FGFRL1: variants seen among roughly 807,000 people sequenced by gnomAD.
The protein encoded by FGFRL1 is fibroblast growth factor receptor like 1.
FGFRL1 carries 24 observed loss-of-function variants against 36.8 expected under a neutral mutation model. The observed-to-expected ratio is 0.65, with a 90% CI of 0.47 to 0.92. FGFRL1 has a LOEUF of 0.92. Ranked by LOEUF, FGFRL1 falls within the 40% of genes least tolerant of loss-of-function variation. The probability of loss-of-function intolerance (pLI) is 0.00; values close to 1 mark genes in which losing one functional copy is unlikely to be tolerated. For missense variants in FGFRL1, 785 were observed against 753.4 expected, an observed-to-expected ratio of 1.04 and a Z score of -0.49; for synonymous variants, 422 against 344.1, an observed-to-expected ratio of 1.23 and a Z score of -2.50.
In FGFRL1 at chr4:1,026,170, C is replaced by A. The variant is rs1231600047; in HGVS notation, c.*823C>A. The A allele has an allele frequency of 6.4e-6, 1 of 157,094 alleles. No homozygotes were observed. Among genetic ancestry groups the A allele is most frequent in the African/African-American group, 2.4e-5 (1 of 41,528 alleles). 9.7% of individuals were successfully genotyped at this position (157,094 alleles called of 1,614,324 possible). ...TATTGCCTGGACACACACATGTGCA[C>A]AGATATGCTGTCTGGACATGCACAC... On this transcript the variant is annotated 3_prime_UTR_variant, in exon 7 of 7. Coordinates refer to ENST00000510644, the MANE Select transcript of FGFRL1 (RefSeq NM_001004356.3).
chr4:1,023,703 C>A lies in FGFRL1; in HGVS notation c.415C>A (p.Pro139Thr), dbSNP rs751619106. ...PDSSSGGQED[P>T]ASQQWARPRF... ...CAGCTCCTCTGGGGGTCAAGAGGAC[C>A]CCGCCAGCCAGCAGTGGGGTGAGCA... The change falls in exon 4 of 7, where the codon CCC becomes ACC. Residue 139 changes from proline to threonine, a missense_variant. Transcript: ENST00000510644. This position sits in a 1 kb window ranked among gnomAD's most constrained non-coding sequence, Gnocchi z 6.0. 10 of 1,591,880 alleles carry A rather than the reference C, an allele frequency of 6.3e-6. No homozygotes were observed. In the East Asian group the frequency reaches 2.0e-4, roughly 32 times the overall value.
At chr4:1,012,133 C>T (rs1185454924) in intron 1 of FGFRL1, 179 bp downstream of exon 1, 1 of 23,294 alleles carries the variant, frequency 4.3e-5, no homozygotes, top group African/African-American at 1.2e-3. Context: ...CCCACGTGGG[C>T]CCCCCCCAGC....
intron 2 of FGFRL1, among the ~76,000 whole-genome samples, chr4:1,018,089 C>T (rs974031027): frequency 1.3e-5 from 2 of 152,084 alleles, no homozygotes; most frequent in Non-Finnish European, 2.9e-5. Context: ...GGCAGGTGTT[C>T]GGGGAGCTGA....
chr4:1,024,727 G>A (rs544775993), intron 6 of FGFRL1, 63 bp downstream of exon 6: 27 of 1,501,560 alleles, frequency 1.8e-5, no homozygotes, highest in East Asian at 4.6e-5. Flanking sequence ...TGGGCCCGGC[G>A]TCCCACCCAC....
Position 1,026,045 on chromosome 4 carries a change from C to G in FGFRL1, c.*698C>G, listed in dbSNP as rs573197554. 2 of 154,806 alleles carry G rather than the reference C, an allele frequency of 1.3e-5. No homozygotes were observed. Among genetic ancestry groups the G allele is most frequent in the African/African-American group, 4.9e-5 (2 of 40,992 alleles). The allele number at this position is 154,806 out of a possible 1,614,324, so 9.6% of individuals were successfully genotyped here. On this transcript the variant is annotated 3_prime_UTR_variant, in exon 7 of 7. Transcript: ENST00000510644. ...CAGACATGCTGTCCGGACACACACA[C>G]GCATGCACAGATATGCTGTCCGGAC...
At chr4:1,012,118 C>G (rs1715618603) in intron 1 of FGFRL1, 164 bp downstream of exon 1, 1 of 120,272 alleles carries the variant, frequency 8.3e-6, no homozygotes, top group South Asian at 2.4e-4. Flanking sequence ...CCCCCGCCCC[C>G]GCGCCCCACG....
rs1303047737 is a variant in FGFRL1, at chr4:1,024,138, C to G, written c.718+37C>G. ...CCCGGGCGCTGGCGGGCGGGGGGTG[C>G]TGGTGGGCGGGGGCGCTGGCGGGCG... is the stretch of plus-strand genomic sequence containing the variant. On this transcript the variant is annotated intron_variant, in intron 5 of 6. Transcript: ENST00000510644. 9 of 1,197,760 alleles carry G rather than the reference C, an allele frequency of 7.5e-6. No homozygotes were observed. The South Asian group carries it at 9.1e-5, about 12-fold the overall frequency. 74.2% of individuals were successfully genotyped at this position (1,197,760 alleles called of 1,614,324 possible). A position where few individuals can be genotyped will look rare whatever the true frequency, so the allele number is the denominator to read the frequency against.
chr4:1,015,224 A>C (rs528978581), intron 2 of FGFRL1, among the ~76,000 whole-genome samples: 2 of 152,168 alleles, frequency 1.3e-5, no homozygotes, highest in East Asian at 3.9e-4. Flanking sequence ...GGCCTCCGCC[A>C]GTGACTCCAG....
At chr4:1,011,985 C>A (rs957349862) in intron 1 of FGFRL1, 31 bp downstream of exon 1, 3 of 146,294 alleles carry the variant, frequency 2.1e-5, no homozygotes, top group African/African-American at 7.4e-5. Context: ...GCCGCGACCC[C>A]AGGTGGGCAC....
Position 1,025,698 on chromosome 4 carries a change from A to C in FGFRL1, c.*351A>C. The C allele has an allele frequency of 2.7e-6, 1 of 368,298 alleles. No homozygotes were observed. The highest frequency in any genetic ancestry group is 5.1e-6 in the Non-Finnish European group (1 of 197,984). The allele number at this position is 368,298 out of a possible 1,614,324, so 22.8% of individuals were successfully genotyped here. A position where few individuals can be genotyped will look rare whatever the true frequency, so the allele number is the denominator to read the frequency against. On this transcript the variant is annotated 3_prime_UTR_variant, in exon 7 of 7. Transcript: ENST00000510644. ...AAGGACATGCTGCCTGAACATACAC[A>C]CGCACACCCATGCGCAGATGTGCTG... is the stretch of plus-strand genomic sequence containing the variant.
Position 1,024,354 on chromosome 4 carries a change from G to C in FGFRL1, c.762G>C (p.Val254=), listed in dbSNP as rs1716379445. The C allele has an allele frequency of 6.2e-7, 1 of 1,611,512 alleles. No individual in the cohort carries two copies. Among genetic ancestry groups the C allele is most frequent in the Non-Finnish European group, 8.5e-7 (1 of 1,179,298 alleles). Residue 254 remains valine, a synonymous_variant, in exon 6 of 7, where the codon GTG becomes GTC. Coordinates refer to ENST00000510644, the MANE Select transcript of FGFRL1 (RefSeq NM_001004356.3). ...CCGTGCTCACAGGCACGCACCCCGTGAACACGACGGTGGACTTCGGGGGGA... is the reference window on the plus strand; with the variant it reads ...CCGTGCTCACAGGCACGCACCCCGTCAACACGACGGTGGACTTCGGGGGGA... ...SKPVLTGTHP[V]NTTVDFGGTT... is the part of the protein sequence containing the mutation.
intron 2 of FGFRL1, among the ~76,000 whole-genome samples, chr4:1,018,019 G>A (rs891279928): frequency 2.0e-5 from 3 of 152,238 alleles, no homozygotes; most frequent in African/African-American, 7.2e-5. Context: ...TTCCAGAAGA[G>A]ATATTGGAGC....
intron 2 of FGFRL1, 53 bp from the exon 3 acceptor site, chr4:1,022,150 G>C (rs185917138): frequency 7.1e-7 from 1 of 1,399,918 alleles, no homozygotes; most frequent in Non-Finnish European, 9.5e-7. Context: ...CCGCCCCCCC[G>C]GCTCCGGACC....
Position 1,026,321 on chromosome 4 carries a change from G to A in FGFRL1, c.*974G>A, listed in dbSNP as rs1207245924. 7.7e-6 allele frequency: 1 copy of A among 129,974 alleles called. No homozygotes were observed. The highest frequency in any genetic ancestry group is 1.8e-5 in the Non-Finnish European group (1 of 56,082). The allele number at this position is 129,974 out of a possible 1,614,324, so 8.1% of individuals were successfully genotyped here. ...GCTGCCTGGACACACGCAGACTGAC[G>A]TGCTTTTGGGAGGGTGTGCCGTGAA... On this transcript the variant is annotated 3_prime_UTR_variant, in exon 7 of 7. Coordinates refer to ENST00000510644, the MANE Select transcript of FGFRL1 (RefSeq NM_001004356.3).
chr4:1,015,787 A>G (rs555316834), intron 2 of FGFRL1, among the ~76,000 whole-genome samples: 2 of 152,304 alleles, frequency 1.3e-5, no homozygotes, highest in East Asian at 1.9e-4. Flanking sequence ...GAGCCCCAGG[A>G]CAGCCTGGTG....
rs754793602 is a variant in FGFRL1, at chr4:1,024,359, C to T, written c.767C>T (p.Thr256Met). ...CTCACAGGCACGCACCCCGTGAACA[C>T]GACGGTGGACTTCGGGGGGACCACG... is the stretch of plus-strand genomic sequence containing the variant. ...PVLTGTHPVNTTVDFGGTTSF... is the reference protein window; with the variant it reads ...PVLTGTHPVNMTVDFGGTTSF... The change falls in exon 6 of 7, where the codon ACG becomes ATG. Residue 256 changes from threonine to methionine, a missense_variant. Physicochemically the swap from Thr to Met is moderately conservative, Grantham distance 81 (BLOSUM62 -1). Transcript: ENST00000510644. 2.3e-5 allele frequency: 37 copies of T among 1,611,986 alleles called. No homozygotes were observed. The highest frequency in any genetic ancestry group is 1.7e-4 in the Middle Eastern group (1 of 6,058).
In FGFRL1 at chr4:1,023,899, C is replaced by T. The variant is rs779235733; in HGVS notation, c.516C>T (p.Cys172=). The T allele has an allele frequency of 4.4e-6, 7 of 1,578,780 alleles. No homozygotes were observed. The highest frequency in any genetic ancestry group is 1.1e-5 in the South Asian group (1 of 87,320). ...TGGGTAGCTCCGTGCGGCTCAAGTGCGTGGCCAGCGGGCACCCTCGGCCCG... is the reference window on the plus strand; with the variant it reads ...TGGGTAGCTCCGTGCGGCTCAAGTGTGTGGCCAGCGGGCACCCTCGGCCCG... ...RPVGSSVRLK[C]VASGHPRPDI... The change falls in exon 5 of 7, where the codon TGC becomes TGT. Residue 172 remains cysteine, a synonymous_variant. Coordinates refer to ENST00000510644, the MANE Select transcript of FGFRL1 (RefSeq NM_001004356.3). This position sits in a 1 kb window ranked among gnomAD's most constrained non-coding sequence, Gnocchi z 6.0.
intron 2 of FGFRL1, among the ~76,000 whole-genome samples, chr4:1,013,484 G>T (rs948881121): frequency 1.3e-5 from 2 of 152,248 alleles, no homozygotes; most frequent in African/African-American, 2.4e-5. Flanking sequence ...GCACGTTCGG[G>T]TGCTGGGTGG....
intron 2 of FGFRL1, among the ~76,000 whole-genome samples, chr4:1,016,872 AG>A (rs1382646334): frequency 1.3e-5 from 2 of 152,030 alleles, no homozygotes; most frequent in Non-Finnish European, 2.9e-5. Context: ...TGGCTTCCTG[AG>A]GAGGGGACTG....
Sources: gnomAD v4.1 joint callset for allele counts (sites outside exome capture counted in the v4.1 genomes callset) on GRCh38, gnomAD v4.1.1 for gene constraint, Gnocchi (gnomAD v3.1) non-coding constraint, MANE v1.5 for transcripts, NCBI Gene and HGNC (gene_info 2026-07-23, HGNC 2026-07-21) for gene names.